Variants in DMD observed in about 807,000 individuals in gnomAD.
DMD encodes the protein mutant dystrophin.
Under a neutral mutation model 330.1 loss-of-function variants are expected in DMD, and 63 were observed. That is an observed-to-expected ratio of 0.19 (90% CI 0.16 to 0.24). The LOEUF (loss-of-function observed/expected upper bound fraction) is 0.24, where lower values mean the gene tolerates loss of function less well. Among genes scored for constraint, DMD ranks in the 10% least tolerant of loss-of-function variants. The pLI is 1.00. For missense variants in DMD, 3,344 were observed against 2,684.1 expected (o/e 1.25, Z -5.43); for synonymous variants, 1,223 against 959.8 (o/e 1.27, Z -5.07).
intron 1 of DMD, among the ~76,000 whole-genome samples, chrX:33,272,589 C>T (rs2053174474): frequency 9.1e-6 from 1 of 110,207 alleles, no homozygotes; most frequent in Non-Finnish European, 1.9e-5. Flanking sequence ...ATGGTTGAAA[C>T]CACATGTTGT....
chrX:32,914,053 C>T (rs1230776435), intron 2 of DMD, among the ~76,000 whole-genome samples: 2 of 111,816 alleles, frequency 1.8e-5, no homozygotes, highest in Non-Finnish European at 3.8e-5. Context: ...TCGCCTCAGG[C>T]TTAGCTTTTA....
chrX:31,723,512 C>T (rs758099582), intron 52 of DMD, among the ~76,000 whole-genome samples: 30 of 109,705 alleles, frequency 2.7e-4, no homozygotes, highest in Non-Finnish European at 5.7e-4. Context: ...CTAGCTCCAC[C>T]TTATGTCTCA....
At chrX:32,011,944 G>GA (rs753875807) in intron 44 of DMD, among the ~76,000 whole-genome samples, 1 of 111,714 alleles carries the variant, frequency 9.0e-6, no homozygotes, top group East Asian at 2.8e-4. Flanking sequence ...ATTTGGTGAT[G>GA]AAAATCAAAA....
At chrX:31,378,996 C>T (rs1240482714) in intron 60 of DMD, among the ~76,000 whole-genome samples, 1 of 110,837 alleles carries the variant, frequency 9.0e-6, no homozygotes, top group Non-Finnish European at 1.9e-5. Context: ...AATAGGCAAA[C>T]GGTCTGAGGT....
chrX:32,127,573 T>C (rs755893108), intron 44 of DMD, among the ~76,000 whole-genome samples: 6 of 111,583 alleles, frequency 5.4e-5, no homozygotes, highest in Non-Finnish European at 7.5e-5. Flanking sequence ...CCAAGTCGCC[T>C]CTGCACAAAT....
At chrX:32,886,699 T>A (rs2084625405) in intron 2 of DMD, among the ~76,000 whole-genome samples, 1 of 110,794 alleles carries the variant, frequency 9.0e-6, no homozygotes, top group Admixed American at 9.6e-5. Flanking sequence ...AAAGGTAATA[T>A]CCTTTGACCT....
intron 62 of DMD, among the ~76,000 whole-genome samples, chrX:31,268,238 T>A (rs1490041881): frequency 8.9e-6 from 1 of 111,901 alleles, no homozygotes; most frequent in African/African-American, 3.2e-5. Flanking sequence ...CCCTAGAATG[T>A]TTTAGGTGGA....
chrX:31,873,815 G>A (rs900826377), intron 48 of DMD, among the ~76,000 whole-genome samples: 17 of 111,519 alleles, frequency 1.5e-4, no homozygotes, highest in African/African-American at 4.2e-4. Flanking sequence ...TGTTCAATTG[G>A]CAGGATTGTC....
At chrX:32,565,908 T>A (rs374905028) in intron 15 of DMD, 27 bp from the exon 16 acceptor site, 4 of 1,175,010 alleles carry the variant, frequency 3.4e-6, no homozygotes, top group Non-Finnish European at 4.6e-6. Context: ...GATCACAGAA[T>A]AAGCCTGGGT....
intron 2 of DMD, among the ~76,000 whole-genome samples, chrX:33,000,963 T>C (rs1278777891): frequency 9.0e-6 from 1 of 111,577 alleles, no homozygotes; most frequent in African/African-American, 3.3e-5. Flanking sequence ...TTCTATATTT[T>C]TTATTATAAA....
intron 74 of DMD, among the ~76,000 whole-genome samples, chrX:31,152,184 C>CTTTTTTT (rs1161340463): frequency 0.016 from 1,527 of 98,270 alleles, 46 homozygotes; most frequent in African/African-American, 0.047. Flanking sequence ...CTTTAAGCAT[C>CTTTTTTT]TTTTTTTTTT....
At chrX:32,706,201 G>C (rs1287260332) in intron 7 of DMD, among the ~76,000 whole-genome samples, 4 of 75,493 alleles carry the variant, frequency 5.3e-5, no homozygotes, top group Admixed American at 2.1e-4. Context: ...ACAGGAAGGG[G>C]AACATCACAC....
At chrX:32,719,234 AAGAT>A (rs1182664429) in intron 7 of DMD, among the ~76,000 whole-genome samples, 1 of 112,129 alleles carries the variant, frequency 8.9e-6, no homozygotes, top group African/African-American at 3.2e-5. Context: ...TAATTAATAT[AAGAT>A]AGACTGGTTG....
intron 7 of DMD, among the ~76,000 whole-genome samples, chrX:32,736,721 A>T (rs895837552): frequency 1.1e-5 from 1 of 94,600 alleles, no homozygotes; most frequent in Non-Finnish European, 2.1e-5. Context: ...AACAATGAGA[A>T]CACATGGACA....
chrX:31,717,989 C>T (rs189360513), intron 52 of DMD, among the ~76,000 whole-genome samples: 1 of 111,670 alleles, frequency 9.0e-6, no homozygotes, highest in Non-Finnish European at 1.9e-5. Context: ...ATTGTATCTA[C>T]CACTGCCTTG....
chrX:32,121,095 T>C (rs1259349755), intron 44 of DMD, among the ~76,000 whole-genome samples: 1 of 112,354 alleles, frequency 8.9e-6, no homozygotes, highest in Non-Finnish European at 1.9e-5. Context: ...GAACTCTGTG[T>C]GGCTTGGGCA....
At chrX:33,297,726 A>G (rs1356240678) in intron 1 of DMD, among the ~76,000 whole-genome samples, 1 of 111,454 alleles carries the variant, frequency 9.0e-6, no homozygotes, top group Non-Finnish European at 1.9e-5. Context: ...TAAGGGCAGA[A>G]AAAAATGAAA....
chrX:33,081,002 AC>A (rs1569553109), intron 1 of DMD, among the ~76,000 whole-genome samples: 3,874 of 103,624 alleles, frequency 0.037, 57 homozygotes, highest in African/African-American at 0.063. Flanking sequence ...ACACACACAC[AC>A]ACACAAAAAC....
At chrX:32,846,832 C>G (rs1437207946) in intron 3 of DMD, among the ~76,000 whole-genome samples, 4 of 107,187 alleles carry the variant, frequency 3.7e-5, no homozygotes, top group Non-Finnish European at 7.7e-5. Context: ...CATGGTGAAA[C>G]CCCATGTCTA....
Sources: allele counts gnomAD v4.1 joint callset (sites outside exome capture counted in the v4.1 genomes callset), GRCh38; gene constraint gnomAD v4.1.1; transcripts MANE v1.5; gene names NCBI Gene and HGNC (gene_info 2026-07-23, HGNC 2026-07-21).